Variants in TNRC6B observed in about 807,000 individuals in gnomAD.
The protein encoded by TNRC6B is trinucleotide repeat-containing gene 6B protein.
A neutral mutation model predicts 203.6 loss-of-function variants in TNRC6B; 52 were observed. That is an observed-to-expected ratio of 0.26 (90% CI 0.20 to 0.32). TNRC6B has a LOEUF of 0.32. Among genes scored for constraint, TNRC6B ranks in the 10% least tolerant of loss-of-function variants. The pLI, the probability that TNRC6B is intolerant of heterozygous loss-of-function variation, is 1.00. For missense variants in TNRC6B, 1,923 were observed against 2,286.2 expected (o/e 0.84, Z 3.24); for synonymous variants, 838 against 845.7 (o/e 0.99, Z 0.16).
chr22:40,243,018 G>GC (rs2070053181), intron 1 of TNRC6B, among the ~76,000 whole-genome samples: 1 of 152,108 alleles, frequency 6.6e-6, no homozygotes, highest in Non-Finnish European at 1.5e-5. Context: ...ACAGGCGTGT[G>GC]CCACCACGCC....
In TNRC6B at chr22:40,308,559, G is replaced by A. The variant is rs1203817671; in HGVS notation, c.4168G>A (p.Ala1390Thr). ...CTATGGCATGGTTGGTGGGAAGGAG[G>A]CTGGAACCGAGTCTCGCTTTAAACA... is the stretch of plus-strand genomic sequence containing the variant. Reference protein sequence around the residue: ...MDYGMVGGKEAGTESRFKQWT... With the variant: ...MDYGMVGGKETGTESRFKQWT... Residue 1390 changes from alanine to threonine, a missense_variant, in exon 16 of 23, where the codon GCT (alanine) becomes ACT (threonine). By Grantham distance (58) the Ala-to-Thr change is moderately conservative. Around this residue, in one of 8 missense-constraint regions of TNRC6B, gnomAD observed 242 missense variants for 399.5 expected, o/e 0.61. Transcript: ENST00000454349. The A allele has an allele frequency of 6.2e-7, 1 of 1,614,010 alleles. No homozygotes were observed. Among genetic ancestry groups the A allele is most frequent in the Non-Finnish European group, 8.5e-7 (1 of 1,179,890 alleles).
chr22:40,295,986 G>T (rs1400158975), intron 12 of TNRC6B, among the ~76,000 whole-genome samples: 1 of 152,214 alleles, frequency 6.6e-6, no homozygotes. Flanking sequence ...GGAGTGCTGG[G>T]AGTCTTCGAG....
chr22:40,314,126 C>T (rs1024541641), intron 19 of TNRC6B, among the ~76,000 whole-genome samples: 4 of 152,158 alleles, frequency 2.6e-5, no homozygotes, highest in African/African-American at 9.7e-5. Flanking sequence ...GTTGAAAATT[C>T]ATCTGAGAGA....
At chr22:40,158,340 C>CAATAAATAAATAAATA (rs144615900) in intron 4 of TNRC6B, among the ~76,000 whole-genome samples, 5 of 139,124 alleles carry the variant, frequency 3.6e-5, no homozygotes, top group Non-Finnish European at 7.7e-5. Flanking sequence ...ACTCCATCTT[C>CAATAAATAAATAAATA]AATAAATAAA....
At chr22:40,061,881 C>T (rs1479035899) in intron 1 of TNRC6B, among the ~76,000 whole-genome samples, 1 of 152,022 alleles carries the variant, frequency 6.6e-6, no homozygotes, top group Non-Finnish European at 1.5e-5. Context: ...CGAGACCAGC[C>T]TAGCCAACAT....
chr22:40,283,615 G>A (rs2070745421), intron 11 of TNRC6B, among the ~76,000 whole-genome samples: 1 of 152,042 alleles, frequency 6.6e-6, no homozygotes, highest in Non-Finnish European at 1.5e-5. Context: ...AGTTACAGAC[G>A]AGGCATTTTT....
chr22:40,160,060 C>T (rs2068858095), intron 4 of TNRC6B, among the ~76,000 whole-genome samples: 1 of 152,186 alleles, frequency 6.6e-6, no homozygotes, highest in Non-Finnish European at 1.5e-5. Flanking sequence ...AAGCAGTCCT[C>T]CTGCCTCAGC....
intron 5 of TNRC6B, among the ~76,000 whole-genome samples, chr22:40,268,749 A>G (rs1026343734): frequency 6.6e-6 from 1 of 151,834 alleles, no homozygotes; most frequent in African/African-American, 2.4e-5. Context: ...GCCTCTACTA[A>G]AAAATCGAAA....
At chr22:40,302,519 G>A (rs2071036489) in intron 15 of TNRC6B, among the ~76,000 whole-genome samples, 1 of 152,036 alleles carries the variant, frequency 6.6e-6, no homozygotes, top group South Asian at 2.1e-4. Context: ...TCTAATCCCA[G>A]CTACTGGGGA....
chr22:40,253,774 T>C, intron 3 of TNRC6B: 1 of 454,540 alleles, frequency 2.2e-6, no homozygotes, highest in Non-Finnish European at 4.4e-6. Flanking sequence ...TACAGCCACA[T>C]CTTCATCTTT....
At chr22:40,316,523 A>G (rs533701147) in intron 21 of TNRC6B, among the ~76,000 whole-genome samples, 1 of 152,176 alleles carries the variant, frequency 6.6e-6, no homozygotes, top group Non-Finnish European at 1.5e-5. Flanking sequence ...TTAGCCAGGC[A>G]TGGTGGCACA....
At position 40,326,805 on chromosome 22, in the gene TNRC6B, T is replaced by C. The variant is rs1000695241; in HGVS notation, c.*3564T>C. ...GGCATTACTAGAGGAAAATTATCTA[T>C]GGACTGTCCTATTAATGAAGAATGT... On this transcript the variant is annotated 3_prime_UTR_variant, in exon 23 of 23. Transcript: ENST00000454349. The C allele has an allele frequency of 1.3e-5, 2 of 152,656 alleles. No homozygotes were observed. The highest frequency in any genetic ancestry group is 2.9e-5 in the Non-Finnish European group (2 of 68,038). The allele number at this position is 152,656 out of a possible 1,614,324, so 9.5% of individuals were successfully genotyped here.
chr22:40,089,084 A>G (rs368246401), intron 1 of TNRC6B, among the ~76,000 whole-genome samples: 9 of 152,188 alleles, frequency 5.9e-5, no homozygotes, highest in Non-Finnish European at 1.0e-4. Flanking sequence ...TTGAGTGTAT[A>G]TTGTCAGAAA....
At chr22:40,097,669 T>TACACACACACACACACACACACAC (rs6147625) in intron 1 of TNRC6B, among the ~76,000 whole-genome samples, 4 of 135,554 alleles carry the variant, frequency 3.0e-5, no homozygotes, top group Non-Finnish European at 6.4e-5. Context: ...AGGTATATCA[T>TACACACACACACACACACACACAC]ACACACACAC....
chr22:40,075,154 A>ATTT (rs1181613595), intron 1 of TNRC6B, among the ~76,000 whole-genome samples: 81 of 55,278 alleles, frequency 1.5e-3, no homozygotes, highest in African/African-American at 2.7e-3. Context: ...ATATATATAT[A>ATTT]TATTTTTTTT....
intron 3 of TNRC6B, among the ~76,000 whole-genome samples, chr22:40,253,019 T>C (rs2070216210): frequency 6.6e-6 from 1 of 152,214 alleles, no homozygotes; most frequent in African/African-American, 2.4e-5. Context: ...TTAGTTGTGC[T>C]GTAGAACTGA....
intron 2 of TNRC6B, among the ~76,000 whole-genome samples, chr22:40,249,586 A>T (rs2070156295): frequency 6.6e-6 from 1 of 152,222 alleles, no homozygotes; most frequent in Non-Finnish European, 1.5e-5. Context: ...GACAGCTTTT[A>T]ACAGAACCCA....
Position 40,223,865 on chromosome 22 carries a change from G to A in TNRC6B, c.6-22150G>A, listed in dbSNP as rs1023780463. Among the ~76,000 whole-genome samples the A allele has an allele frequency of 5.3e-5, 8 of 152,270 alleles. No homozygotes were observed. The South Asian group carries it at 6.2e-4, about 12-fold the overall frequency. ...ATTGTCCCGTACAGAGATTGCACCC[G>A]TTTATATTCTCATCAGCAATGGTAT... On this transcript the variant is annotated intron_variant, in intron 1 of 22. Coordinates refer to ENST00000454349, the MANE Select transcript of TNRC6B (RefSeq NM_001162501.2).
intron 12 of TNRC6B, among the ~76,000 whole-genome samples, chr22:40,291,212 C>T (rs888596346): frequency 6.6e-6 from 1 of 152,006 alleles, no homozygotes; most frequent in Non-Finnish European, 1.5e-5. Context: ...ATGGCAAAAC[C>T]TGTCTCTAAC....
Sources: allele counts gnomAD v4.1 joint callset (sites outside exome capture counted in the v4.1 genomes callset), GRCh38; gene constraint gnomAD v4.1.1; regional missense constraint gnomAD v4.1.1; transcripts MANE v1.5; gene names NCBI Gene and HGNC (gene_info 2026-07-23, HGNC 2026-07-21).